Variants in CDH13 observed in about 807,000 individuals in gnomAD.
CDH13 encodes the protein cadherin-13.
Under a neutral mutation model 63.8 loss-of-function variants are expected in CDH13, and 24 were observed. The observed-to-expected ratio is 0.38, with a 90% CI of 0.27 to 0.53. The LOEUF (loss-of-function observed/expected upper bound fraction) is 0.53, where lower values mean the gene tolerates loss of function less well. CDH13 is among the 20% of genes least tolerant of loss of function. The pLI is 0.85. For synonymous variants in CDH13, 503 were observed against 355.3 expected, an observed-to-expected ratio of 1.42 and a Z score of -4.67; for missense variants, 1,049 against 903.1, an observed-to-expected ratio of 1.16 and a Z score of -2.07.
intron 1 of CDH13, among the ~76,000 whole-genome samples, chr16:82,665,479 T>G (rs964861168): frequency 3.9e-5 from 6 of 152,172 alleles, no homozygotes; most frequent in Admixed American, 3.9e-4. Flanking sequence ...GAGCAATGGT[T>G]CAATATATGT....
chr16:83,474,877 A>G (rs932510404), intron 6 of CDH13, among the ~76,000 whole-genome samples: 1 of 152,176 alleles, frequency 6.6e-6, no homozygotes, highest in Non-Finnish European at 1.5e-5. Context: ...ATAGGGAAAC[A>G]ACCGCTGGAG....
chr16:82,723,006 T>C (rs565648170), intron 1 of CDH13: 1 of 152,330 alleles, frequency 6.6e-6, no homozygotes, highest in East Asian at 1.9e-4. Flanking sequence ...GTGTTTTTCT[T>C]GTCCCCTAAT....
intron 2 of CDH13, among the ~76,000 whole-genome samples, chr16:82,893,695 G>C (rs1051997100): frequency 6.6e-6 from 1 of 152,190 alleles, no homozygotes; most frequent in African/African-American, 2.4e-5. Flanking sequence ...CTTCGAGGAA[G>C]TTCTACAGCT....
chr16:83,103,209 T>TC (rs2034586788), intron 3 of CDH13, among the ~76,000 whole-genome samples: 1 of 147,360 alleles, frequency 6.8e-6, no homozygotes, highest in Non-Finnish European at 1.5e-5. Flanking sequence ...CACCTCAACC[T>TC]CCCAAAGTAC....
chr16:82,684,571 C>G (rs1313884399), intron 1 of CDH13, among the ~76,000 whole-genome samples: 1 of 152,034 alleles, frequency 6.6e-6, no homozygotes, highest in Non-Finnish European at 1.5e-5. Flanking sequence ...AAGTCAGGAT[C>G]TGGGGAGCTA....
intron 1 of CDH13, among the ~76,000 whole-genome samples, chr16:82,687,483 C>T (rs142305655): frequency 1.7e-3 from 255 of 152,236 alleles, no homozygotes; most frequent in African/African-American, 5.8e-3. Context: ...GCCTCACAAT[C>T]ATGGCAGAAG....
chr16:83,130,480 A>G (rs1364175959), intron 4 of CDH13, among the ~76,000 whole-genome samples: 1 of 152,216 alleles, frequency 6.6e-6, no homozygotes, highest in Non-Finnish European at 1.5e-5. Flanking sequence ...ATTGAGTGCA[A>G]TTCTTGGCAA....
intron 1 of CDH13, among the ~76,000 whole-genome samples, chr16:82,777,517 G>T (rs2035553505): frequency 6.6e-6 from 1 of 152,162 alleles, no homozygotes; most frequent in Non-Finnish European, 1.5e-5. Context: ...GATGCAATAG[G>T]CCTTGTCTTT....
At chr16:83,246,458 G>T (rs528348588) in intron 5 of CDH13, among the ~76,000 whole-genome samples, 45 of 152,156 alleles carry the variant, frequency 3.0e-4, no homozygotes, top group African/African-American at 1.1e-3. Flanking sequence ...TCTGTACTCC[G>T]AGAGATTCAC....
intron 2 of CDH13, among the ~76,000 whole-genome samples, chr16:82,908,734 T>G (rs1303949417): frequency 2.0e-5 from 3 of 152,174 alleles, no homozygotes; most frequent in Admixed American, 6.5e-5. Flanking sequence ...GAAACCTCTG[T>G]GAATACCAAA....
At chr16:83,383,717 T>C (rs2091616385) in intron 6 of CDH13, among the ~76,000 whole-genome samples, 1 of 152,232 alleles carries the variant, frequency 6.6e-6, no homozygotes, top group Non-Finnish European at 1.5e-5. Context: ...CTTTTGATAA[T>C]TCCTCATTTA....
intron 4 of CDH13, among the ~76,000 whole-genome samples, chr16:83,188,638 G>A (rs1389861543): frequency 6.6e-6 from 1 of 152,110 alleles, no homozygotes; most frequent in Non-Finnish European, 1.5e-5. Flanking sequence ...CCCCTCCAAA[G>A]TCTGCAGGAA....
intron 2 of CDH13, among the ~76,000 whole-genome samples, chr16:82,978,239 C>T (rs1046100068): frequency 1.3e-5 from 2 of 152,128 alleles, no homozygotes; most frequent in African/African-American, 4.8e-5. Flanking sequence ...AAAAGGGAAG[C>T]AGAACATAAA....
At chr16:82,919,858 G>T (rs1439249219) in intron 2 of CDH13, among the ~76,000 whole-genome samples, 1 of 152,174 alleles carries the variant, frequency 6.6e-6, no homozygotes, top group African/African-American at 2.4e-5. Context: ...TAGGAAATAT[G>T]CTAGAAAACA....
intron 5 of CDH13, among the ~76,000 whole-genome samples, chr16:83,298,047 C>CA (rs71382871): frequency 0.019 from 1,846 of 99,736 alleles, 21 homozygotes; most frequent in Admixed American, 0.023. Context: ...CTTGTTTCTA[C>CA]AAAAAAAAAA....
chr16:83,264,763 G>C (rs1173095613), intron 5 of CDH13, among the ~76,000 whole-genome samples: 1 of 150,680 alleles, frequency 6.6e-6, no homozygotes, highest in Non-Finnish European at 1.5e-5. Flanking sequence ...TTTTTTTCTG[G>C]CATTTGTGTA....
chr16:82,787,381 C>T (rs1375407509), intron 1 of CDH13, among the ~76,000 whole-genome samples: 3 of 152,250 alleles, frequency 2.0e-5, no homozygotes, highest in East Asian at 3.9e-4. Flanking sequence ...AAACAGAAAA[C>T]TTGTCCCATT....
At chr16:83,726,443 G>A (rs938460741) in intron 10 of CDH13, 1 of 152,178 alleles carries the variant, frequency 6.6e-6, no homozygotes, top group African/African-American at 2.4e-5. Flanking sequence ...TTCTGCTGCA[G>A]CCATTGCCAC....
intron 6 of CDH13, among the ~76,000 whole-genome samples, chr16:83,375,161 C>G (rs112626751): frequency 1.3e-5 from 2 of 152,346 alleles, no homozygotes; most frequent in East Asian, 1.9e-4. Context: ...CACTGTACTA[C>G]TCTCAGGCAT....
Sources: allele counts gnomAD v4.1 joint callset (sites outside exome capture counted in the v4.1 genomes callset), GRCh38; gene constraint gnomAD v4.1.1; transcripts MANE v1.5; gene names NCBI Gene and HGNC (gene_info 2026-07-23, HGNC 2026-07-21).